COL4A2: variants seen among roughly 807,000 people sequenced by gnomAD.
COL4A2 encodes collagen alpha-2(IV) chain.
In COL4A2, 99 loss-of-function variants were observed where a neutral mutation model predicts 200.2. That is an observed-to-expected ratio of 0.49 (90% confidence interval 0.42 to 0.58). COL4A2 has a LOEUF of 0.58. Among genes scored for constraint, COL4A2 ranks in the 20% least tolerant of loss-of-function variants. The probability of loss-of-function intolerance (pLI) is 0.00; values close to 1 mark genes in which losing one functional copy is unlikely to be tolerated. For synonymous variants in COL4A2, 897 were observed against 900.6 expected (o/e 1.00, Z 0.07); for missense variants, 1,950 against 2,314.1 (o/e 0.84, Z 3.23).
intron 21 of COL4A2, chr13:110,458,020 G>A (rs913205965): frequency 4.7e-6 from 2 of 429,072 alleles, no homozygotes; most frequent in South Asian, 3.6e-5. Context: ...TGTGGGCCCT[G>A]GTGTGGTGCA....
chr13:110,396,282 G>A (rs1463640898), intron 4 of COL4A2, among the ~76,000 whole-genome samples: 4 of 152,348 alleles, frequency 2.6e-5, no homozygotes, highest in African/African-American at 7.2e-5. Flanking sequence ...TTGTGTGACT[G>A]AATCTCGCAG....
intron 40 of COL4A2, among the ~76,000 whole-genome samples, chr13:110,499,394 C>G (rs1485279142): frequency 2.6e-5 from 4 of 152,130 alleles, no homozygotes; most frequent in African/African-American, 9.7e-5. Flanking sequence ...GGGGGAGGCC[C>G]CTTATAAAAC....
At chr13:110,320,026 G>A (rs771632214) in intron 3 of COL4A2, among the ~76,000 whole-genome samples, 14 of 152,234 alleles carry the variant, frequency 9.2e-5, no homozygotes, top group African/African-American at 1.4e-4. Flanking sequence ...ACATCAAGGC[G>A]CCAGAGGTTG....
intron 22 of COL4A2, among the ~76,000 whole-genome samples, chr13:110,460,448 G>A (rs564378232): frequency 2.0e-5 from 3 of 152,332 alleles, no homozygotes; most frequent in South Asian, 4.1e-4. Flanking sequence ...GAAAAAGTGC[G>A]TGGGGTGAGA....
rs561546451 is a variant in COL4A2, at chr13:110,426,181, A to T, written c.360+1184A>T. Among the ~76,000 whole-genome samples the T allele has an allele frequency of 3.6e-3, 541 of 152,348 alleles. 6 individuals are homozygous for T. Among genetic ancestry groups the T allele is most frequent in the Non-Finnish European group, 5.5e-3 (376 of 68,030 alleles). Reference sequence around the variant, plus strand: ...CTGAATCTAAATCACCCATTTTTAAACTACTCTTTTGAACTCTTTGGAGTG... The same window carrying T: ...CTGAATCTAAATCACCCATTTTTAATCTACTCTTTTGAACTCTTTGGAGTG... On this transcript the variant is annotated intron_variant, in intron 6 of 47. Transcript: ENST00000360467.
At position 110,432,378 on chromosome 13, in the gene COL4A2, G is replaced by A. The variant is rs764698582; in HGVS notation, c.684+18G>A. The A allele has an allele frequency of 1.2e-6, 2 of 1,601,490 alleles. No homozygotes were observed. The highest frequency in any genetic ancestry group is 1.7e-6 in the Non-Finnish European group (2 of 1,174,168). On this transcript the variant is annotated intron_variant, in intron 11 of 47. Coordinates refer to ENST00000360467, the MANE Select transcript of COL4A2 (RefSeq NM_001846.4). The stretch of plus-strand genomic sequence containing the variant: ...GACAGCAAGTAAGTTGGTTTTGGGG[G>A]GTGAGGATGAGGGAAGGGGGTACTT...
At chr13:110,380,087 A>G (rs1878404954) in intron 4 of COL4A2, among the ~76,000 whole-genome samples, 1 of 152,168 alleles carries the variant, frequency 6.6e-6, no homozygotes, top group Non-Finnish European at 1.5e-5. Flanking sequence ...CACACCTTCC[A>G]TGTTTGAGCA....
At position 110,505,212 on chromosome 13, in the gene COL4A2, T is replaced by A. The variant is rs183939813; in HGVS notation, c.4402+948T>A. ...AAAAATACAAAAAATTAGCCGGGCG[T>A]GGTGGCGGGCGCCAGTAGTCCCAGC... On this transcript the variant is annotated intron_variant, in intron 45 of 47. Transcript: ENST00000360467. Among the ~76,000 whole-genome samples, 546 of 151,324 alleles carry A rather than the reference T, an allele frequency of 3.6e-3. 2 individuals carry two copies. The highest frequency in any genetic ancestry group is 0.022 in the South Asian group (105 of 4,768).
intron 46 of COL4A2, 33 bp downstream of exon 46, chr13:110,506,639 C>T (rs142200442): frequency 1.3e-6 from 2 of 1,566,962 alleles, no homozygotes; most frequent in Non-Finnish European, 1.7e-6. Context: ...CCGTTGCCTG[C>T]TCAGGGCTGG....
intron 19 of COL4A2, 120 bp downstream of exon 19, chr13:110,449,909 C>T (rs913869987): frequency 8.9e-7 from 1 of 1,127,628 alleles, no homozygotes. Flanking sequence ...TCCCCACTGA[C>T]TAGTCTTAGC....
chr13:110,386,360 GAAGA>G (rs1360524338), intron 4 of COL4A2, among the ~76,000 whole-genome samples: 6 of 152,312 alleles, frequency 3.9e-5, no homozygotes, highest in Admixed American at 3.9e-4. Context: ...CACTTTGTAA[GAAGA>G]GAGACTCAGG....
chr13:110,462,026 T>C, intron 22 of COL4A2, 88 bp from the exon 23 acceptor site: 1 of 1,559,764 alleles, frequency 6.4e-7, no homozygotes, highest in Middle Eastern at 1.8e-4. Flanking sequence ...GCCTGCCAGC[T>C]GTGTGAGATG....
intron 40 of COL4A2, among the ~76,000 whole-genome samples, chr13:110,499,070 G>A (rs1480828208): frequency 1.3e-5 from 2 of 152,232 alleles, no homozygotes; most frequent in African/African-American, 2.4e-5. Flanking sequence ...ATGAGGGAAA[G>A]ACGACCTTCC....
At chr13:110,336,186 TA>T (rs1876177051) in intron 3 of COL4A2, among the ~76,000 whole-genome samples, 1 of 152,210 alleles carries the variant, frequency 6.6e-6, no homozygotes. Flanking sequence ...GAATTGAGAG[TA>T]GGCCATTTCC....
rs1884806967 is a variant in COL4A2, at chr13:110,307,469, G to A, written c.-104G>A. On this transcript the variant is annotated 5_prime_UTR_variant, in exon 1 of 48. Coordinates refer to ENST00000360467, the MANE Select transcript of COL4A2 (RefSeq NM_001846.4). This position sits in a 1 kb window ranked among gnomAD's most constrained non-coding sequence, Gnocchi z 5.0. ...CCGGCCGCCCTGCCGGTGTGCCGCCGGCGGGTGCTTCTGGAAGGGCCAATG... is the reference window on the plus strand; with the variant it reads ...CCGGCCGCCCTGCCGGTGTGCCGCCAGCGGGTGCTTCTGGAAGGGCCAATG... 1 of 210,120 alleles carries A rather than the reference G, an allele frequency of 4.8e-6. No homozygotes were observed. Among genetic ancestry groups the A allele is most frequent in the Non-Finnish European group, 9.4e-6 (1 of 106,706 alleles). 13.0% of individuals were successfully genotyped at this position (210,120 alleles called of 1,614,324 possible).
intron 18 of COL4A2, among the ~76,000 whole-genome samples, chr13:110,447,976 C>A (rs1474964220): frequency 6.6e-6 from 1 of 152,202 alleles, no homozygotes; most frequent in Non-Finnish European, 1.5e-5. Context: ...CAGAACAGGG[C>A]CATGGGCAGT....
rs115124008 is a variant in COL4A2, at chr13:110,465,367, A to C, written c.1777-38A>C. On this transcript the variant is annotated intron_variant, in intron 24 of 47. Coordinates refer to ENST00000360467, the MANE Select transcript of COL4A2 (RefSeq NM_001846.4). Reference sequence around the variant, plus strand: ...GGAAGTCGAGGCGATCTTTAACATTAGTATATATTTTAAGAAATAAACTGA... The same window carrying C: ...GGAAGTCGAGGCGATCTTTAACATTCGTATATATTTTAAGAAATAAACTGA... The C allele has an allele frequency of 9.1e-4, 1,415 of 1,561,554 alleles. 15 individuals are homozygous for C. The African/African-American group carries it at 0.017, about 19-fold the overall frequency.
At chr13:110,351,772 G>C (rs953139476) in intron 3 of COL4A2, among the ~76,000 whole-genome samples, 1 of 152,154 alleles carries the variant, frequency 6.6e-6, no homozygotes, top group African/African-American at 2.4e-5. Flanking sequence ...TGGCAAGGTA[G>C]GACTGCCTGC....
chr13:110,310,445 G>C (rs1884944464), intron 3 of COL4A2, among the ~76,000 whole-genome samples: 1 of 144,816 alleles, frequency 6.9e-6, no homozygotes, highest in Non-Finnish European at 1.5e-5. Flanking sequence ...TTATTTTCCT[G>C]GGCTTTAGAT....
Sources: allele counts gnomAD v4.1 joint callset (sites outside exome capture counted in the v4.1 genomes callset), GRCh38; gene constraint gnomAD v4.1.1; non-coding constraint Gnocchi (gnomAD v3.1); transcripts MANE v1.5; gene names NCBI Gene and HGNC (gene_info 2026-07-23, HGNC 2026-07-21).